The following RAD9B variants were observed in gnomAD, a reference collection of about 807,000 sequenced individuals.
RAD9B encodes RAD9 checkpoint clamp component B, also known as cell cycle checkpoint control protein RAD9B.
A neutral mutation model predicts 48.3 loss-of-function variants in RAD9B; 41 were observed. The ratio of observed to expected loss-of-function variants is 0.85; its 90% CI spans 0.66 to 1.10. The LOEUF is 1.10. RAD9B is among the 50% of genes least tolerant of loss of function. RAD9B has a pLI of 0.00. For missense variants in RAD9B, 444 were observed against 485.1 expected (o/e 0.92, Z 0.80); for synonymous variants, 160 against 157.9 (o/e 1.01, Z -0.10).
intron 5 of RAD9B, among the ~76,000 whole-genome samples, chr12:110,513,961 C>A (rs2063537898): frequency 6.6e-6 from 1 of 151,974 alleles, no homozygotes; most frequent in South Asian, 2.1e-4. Context: ...CTTCTGAGTT[C>A]AAGTGATCCA....
rs2063540789 is a variant in RAD9B at position 110,514,044 on chromosome 12, C to G, written c.489-1006C>G. 2.0e-5 allele frequency among the ~76,000 whole-genome samples: 3 copies of G among 151,752 alleles called. No individual in the cohort carries two copies. The South Asian group carries it at 6.2e-4, about 32-fold the overall frequency. On this transcript the variant is annotated intron_variant, in intron 5 of 10. Coordinates refer to ENST00000409300, the MANE Select transcript of RAD9B (RefSeq NM_001286535.2). ...CATCTGGTCCCTTCCTTCCTTCCTT[C>G]CTTCCTTCCTTCCTTGCTTCCTTCC...
At chr12:110,517,915 G>A (rs1317322865) in intron 6 of RAD9B, among the ~76,000 whole-genome samples, 1 of 152,106 alleles carries the variant, frequency 6.6e-6, no homozygotes, top group Admixed American at 6.6e-5. Flanking sequence ...ATGGCCAGGC[G>A]CAGTGGCTCA....
intron 9 of RAD9B, among the ~76,000 whole-genome samples, chr12:110,521,156 T>C (rs1208788283): frequency 6.6e-6 from 1 of 151,924 alleles, no homozygotes; most frequent in Admixed American, 6.6e-5. Flanking sequence ...TATTTTCAAA[T>C]TTTTTAAAAA....
At chr12:110,505,427 G>T (rs1472188815) in intron 2 of RAD9B, among the ~76,000 whole-genome samples, 190 bp from the exon 3 acceptor site, 4 of 152,070 alleles carry the variant, frequency 2.6e-5, no homozygotes, top group Non-Finnish European at 5.9e-5. Context: ...TGTAAAGAAA[G>T]TTTATTTTCT....
At chr12:110,511,532 A>G (rs2135677955) in intron 4 of RAD9B, 1 of 447,170 alleles carries the variant, frequency 2.2e-6, no homozygotes, top group Non-Finnish European at 4.5e-6. Flanking sequence ...AGTTGATCTC[A>G]TGGAGGTAGA....
chr12:110,519,035 T>A, intron 8 of RAD9B, 97 bp downstream of exon 8: 1 of 785,120 alleles, frequency 1.3e-6, no homozygotes, highest in Non-Finnish European at 2.0e-6. Flanking sequence ...ACCTCAGGAA[T>A]ACCTAAACTT....
intron 10 of RAD9B, among the ~76,000 whole-genome samples, chr12:110,529,663 T>C (rs1161727539): frequency 6.6e-6 from 1 of 150,972 alleles, no homozygotes; most frequent in Non-Finnish European, 1.5e-5. Flanking sequence ...GGTGGGAGGA[T>C]TGCCCAGGAG....
At chr12:110,524,994 A>T (rs76764132) in intron 10 of RAD9B, among the ~76,000 whole-genome samples, 1 of 151,796 alleles carries the variant, frequency 6.6e-6, no homozygotes, top group Non-Finnish European at 1.5e-5. Flanking sequence ...CTTTTTATTT[A>T]TTTGGTTTTT....
chr12:110,520,650 G>GTTTTTTTTTTTTT (rs1232808618), intron 9 of RAD9B, among the ~76,000 whole-genome samples: 3 of 69,636 alleles, frequency 4.3e-5, no homozygotes, highest in African/African-American at 5.5e-5. Flanking sequence ...TTTTTTTGTT[G>GTTTTTTTTTTTTT]TTTTTTTTTT....
chr12:110,506,024 A>T (rs1263765702), intron 3 of RAD9B, among the ~76,000 whole-genome samples: 1 of 151,934 alleles, frequency 6.6e-6, no homozygotes, highest in Non-Finnish European at 1.5e-5. Flanking sequence ...AGCTGGGATT[A>T]TAGGCGTGTG....
chr12:110,506,686 C>T lies in RAD9B; in HGVS notation c.381C>T (p.Tyr127=). The change falls in exon 4 of 11, where the codon TAC becomes TAT. Residue 127 remains tyrosine (Y), a synonymous_variant. Coordinates refer to ENST00000409300, the MANE Select transcript of RAD9B (RefSeq NM_001286535.2). ...GCAAAGTAGTTATTCAATTCTTCTA[C>T]AGACATGGTAGGTATAATTAAAAGT... ...DKCKVVIQFF[Y]RHGIKRTHNI... is the part of the protein sequence containing the mutation. 4 of 1,462,420 alleles carry T rather than the reference C, an allele frequency of 2.7e-6. No individual in the cohort carries two copies. The highest frequency in any genetic ancestry group is 3.8e-6 in the Non-Finnish European group (4 of 1,043,718). The allele number at this position is 1,462,420 out of a possible 1,614,324, so 90.6% of individuals were successfully genotyped here. A position where few individuals can be genotyped will look rare whatever the true frequency, so the allele number is the denominator to read the frequency against.
chr12:110,515,900 T>C (rs2063588592), intron 6 of RAD9B, among the ~76,000 whole-genome samples: 1 of 152,160 alleles, frequency 6.6e-6, no homozygotes, highest in Non-Finnish European at 1.5e-5. Flanking sequence ...ATAACAACTC[T>C]AAGATGTATG....
At position 110,510,951 on chromosome 12, in the gene RAD9B, C is replaced by CA. The variant is rs1480247048; in HGVS notation, c.389-1818dup. 5.1e-4 allele frequency among the ~76,000 whole-genome samples: 66 copies of CA among 129,084 alleles called. 1 individual carries two copies. Among genetic ancestry groups the CA allele is most frequent in the South Asian group, 3.9e-3 (16 of 4,098 alleles). The allele number at this position is 129,084 out of a possible 152,430, so 84.7% of individuals were successfully genotyped here. On this transcript the variant is annotated intron_variant, in intron 4 of 10. Coordinates refer to ENST00000409300, the MANE Select transcript of RAD9B (RefSeq NM_001286535.2). ...CCTTGGCAACAGGTTGAGACCCTGTCAAAAAAAAAAGAAAGAGAGAAAGGA... is the reference window on the plus strand; with the variant it reads ...CCTTGGCAACAGGTTGAGACCCTGTCAAAAAAAAAAAGAAAGAGAGAAAGGA...
chr12:110,511,245 G>GAA (rs71445509), intron 4 of RAD9B, among the ~76,000 whole-genome samples: 2 of 150,580 alleles, frequency 1.3e-5, no homozygotes, highest in Non-Finnish European at 1.5e-5. Context: ...TTATCCAAAG[G>GAA]AAAAAAAAAT....
chr12:110,532,399 T>C lies in RAD9B; in HGVS notation c.*1746T>C, dbSNP rs562039330. ...CATCAGTAATAGCCTGGATGCAGCATTGGACTATTATTATAGTTAATACTG... is the reference window on the plus strand; with the variant it reads ...CATCAGTAATAGCCTGGATGCAGCACTGGACTATTATTATAGTTAATACTG... On this transcript the variant is annotated 3_prime_UTR_variant, in exon 11 of 11. Coordinates refer to ENST00000409300, the MANE Select transcript of RAD9B (RefSeq NM_001286535.2). 2.5e-4 allele frequency among the ~76,000 whole-genome samples: 38 copies of C among 152,210 alleles called. No individual in the cohort carries two copies. The highest frequency in any genetic ancestry group is 4.7e-4 in the Non-Finnish European group (32 of 68,032).
At chr12:110,502,714 A>G (rs1439096007) in intron 1 of RAD9B, 1 of 242,404 alleles carries the variant, frequency 4.1e-6, no homozygotes, top group Admixed American at 5.4e-5. Flanking sequence ...TTTTTGTGCC[A>G]AGAGAACAGC....
At chr12:110,517,456 C>A (rs1235459599) in intron 6 of RAD9B, among the ~76,000 whole-genome samples, 1 of 151,952 alleles carries the variant, frequency 6.6e-6, no homozygotes, top group East Asian at 1.9e-4. Flanking sequence ...GAAACCCTTT[C>A]TCTACTAAAA....
At chr12:110,508,206 C>T (rs928288813) in intron 4 of RAD9B, 2 of 169,262 alleles carry the variant, frequency 1.2e-5, no homozygotes, top group African/African-American at 4.8e-5. Context: ...TCTGAATCTT[C>T]ATTCCTTACT....
chr12:110,525,386 A>G (rs888953168), intron 10 of RAD9B, among the ~76,000 whole-genome samples: 2 of 152,126 alleles, frequency 1.3e-5, no homozygotes, highest in Non-Finnish European at 2.9e-5. Flanking sequence ...TTGGCTTCCC[A>G]AAGTGCTGGG....
Sources: gnomAD v4.1 joint callset for allele counts (sites outside exome capture counted in the v4.1 genomes callset) on GRCh38, gnomAD v4.1.1 for gene constraint, MANE v1.5 for transcripts, NCBI Gene and HGNC (gene_info 2026-07-23, HGNC 2026-07-21) for gene names.